The following CCSER1 variants were observed in gnomAD, a reference collection of about 807,000 sequenced individuals.
CCSER1 encodes serine-rich coiled-coil domain-containing protein 1.
A neutral mutation model predicts 82.0 loss-of-function variants in CCSER1; 41 were observed. That is an observed-to-expected ratio of 0.50 (90% CI 0.39 to 0.65). The LOEUF is 0.65. Among genes scored for constraint, CCSER1 ranks in the 30% least tolerant of loss-of-function variants. The pLI is 0.00. For synonymous variants in CCSER1, 414 were observed against 383.9 expected, an observed-to-expected ratio of 1.08 and a Z score of -0.92; for missense variants, 1,119 against 1,064.2, an observed-to-expected ratio of 1.05 and a Z score of -0.72.
intron 1 of CCSER1, among the ~76,000 whole-genome samples, chr4:90,199,754 T>A (rs1318245245): frequency 6.6e-6 from 1 of 152,120 alleles, no homozygotes; most frequent in Non-Finnish European, 1.5e-5. Flanking sequence ...TACAATAGAT[T>A]TTGTGTTTTT....
intron 10 of CCSER1, among the ~76,000 whole-genome samples, chr4:91,386,630 C>T (rs1751305802): frequency 6.6e-6 from 1 of 151,882 alleles, no homozygotes; most frequent in South Asian, 2.1e-4. Context: ...TACAGACTGC[C>T]AATAAGTTGG....
At chr4:90,441,455 A>C (rs1759863957) in intron 4 of CCSER1, among the ~76,000 whole-genome samples, 1 of 152,120 alleles carries the variant, frequency 6.6e-6, no homozygotes, top group African/African-American at 2.4e-5. Flanking sequence ...TGGGGGAAAG[A>C]AAGAACAATC....
intron 8 of CCSER1, among the ~76,000 whole-genome samples, chr4:90,862,423 C>A (rs1765219678): frequency 6.6e-6 from 1 of 151,860 alleles, no homozygotes; most frequent in Admixed American, 6.6e-5. Context: ...AATCATTATT[C>A]AACATTTCTT....
chr4:91,074,049 A>G (rs17018025), intron 9 of CCSER1, among the ~76,000 whole-genome samples: 29,747 of 152,104 alleles, frequency 0.2, 3,272 homozygotes, highest in African/African-American at 0.28. Context: ...GAAGTGTTTT[A>G]CGACTCTTGT....
At chr4:90,555,498 T>A (rs1370208704) in intron 5 of CCSER1, among the ~76,000 whole-genome samples, 1 of 152,132 alleles carries the variant, frequency 6.6e-6, no homozygotes, top group Non-Finnish European at 1.5e-5. Context: ...CTATTTGTGA[T>A]TAAATTCCTA....
intron 10 of CCSER1, among the ~76,000 whole-genome samples, chr4:91,350,302 T>G (rs1748384416): frequency 6.6e-6 from 1 of 152,194 alleles, no homozygotes; most frequent in South Asian, 2.1e-4. Flanking sequence ...TCTGAAACTT[T>G]AAGGAAAAAT....
chr4:91,383,897 A>G lies in CCSER1; in HGVS notation c.2218-214675A>G, dbSNP rs189178050. Among the ~76,000 whole-genome samples, 1,054 of 152,274 alleles carry G rather than the reference A, an allele frequency of 6.9e-3. 8 individuals carry two copies. Among genetic ancestry groups the G allele is most frequent in the African/African-American group, 0.024 (992 of 41,554 alleles). On this transcript the variant is annotated intron_variant, in intron 10 of 10. Transcript: ENST00000509176. Reference sequence around the variant, plus strand: ...GTGTTTTCACTTTTGTAAACCACAAAAAAGACAAATTTTTTTAATGGATCT... The same window carrying G: ...GTGTTTTCACTTTTGTAAACCACAAGAAAGACAAATTTTTTTAATGGATCT...
intron 9 of CCSER1, among the ~76,000 whole-genome samples, chr4:90,998,723 G>GTTT (rs3043069): frequency 2.0e-5 from 3 of 150,276 alleles, no homozygotes. Flanking sequence ...GCATTACACA[G>GTTT]TTTTTTTTTT....
chr4:90,238,652 C>T (rs1746257795), intron 1 of CCSER1, among the ~76,000 whole-genome samples: 1 of 151,980 alleles, frequency 6.6e-6, no homozygotes, highest in African/African-American at 2.4e-5. Flanking sequence ...TTCTCACACC[C>T]CCTCAACTCG....
chr4:90,269,317 T>C (rs1725823428), intron 1 of CCSER1, among the ~76,000 whole-genome samples: 1 of 152,098 alleles, frequency 6.6e-6, no homozygotes. Context: ...TTAATATAAT[T>C]GAAATCATAT....
intron 10 of CCSER1, among the ~76,000 whole-genome samples, chr4:91,289,793 GA>G (rs1228173991): frequency 6.6e-6 from 1 of 151,920 alleles, no homozygotes; most frequent in Non-Finnish European, 1.5e-5. Context: ...AAACAATAAA[GA>G]AGAAATGTTT....
chr4:91,228,705 A>G (rs1738396525), intron 10 of CCSER1, among the ~76,000 whole-genome samples: 1 of 152,120 alleles, frequency 6.6e-6, no homozygotes, highest in African/African-American at 2.4e-5. Flanking sequence ...TACAGATGGA[A>G]TAAATGGAAT....
chr4:91,572,362 G>T (rs1763226057), intron 10 of CCSER1, among the ~76,000 whole-genome samples: 1 of 152,038 alleles, frequency 6.6e-6, no homozygotes, highest in African/African-American at 2.4e-5. Flanking sequence ...GAGGTGGCTG[G>T]CTACCCTGGT....
chr4:90,924,360 A>G (rs1267769635), intron 9 of CCSER1, among the ~76,000 whole-genome samples: 1 of 152,116 alleles, frequency 6.6e-6, no homozygotes, highest in Non-Finnish European at 1.5e-5. Flanking sequence ...AAATTACATT[A>G]ATTTAATATA....
chr4:90,364,457 C>T (rs1322652721), intron 3 of CCSER1, among the ~76,000 whole-genome samples: 1 of 151,648 alleles, frequency 6.6e-6, no homozygotes, highest in Non-Finnish European at 1.5e-5. Context: ...AAGAAAATTG[C>T]AATTAAAAAT....
At chr4:90,266,697 G>C (rs950568821) in intron 1 of CCSER1, among the ~76,000 whole-genome samples, 27 of 152,146 alleles carry the variant, frequency 1.8e-4, no homozygotes, top group African/African-American at 6.0e-4. Context: ...TTTTGCACTG[G>C]AAGAACTCAG....
At chr4:90,970,182 G>T (rs1300992556) in intron 9 of CCSER1, among the ~76,000 whole-genome samples, 1 of 151,770 alleles carries the variant, frequency 6.6e-6, no homozygotes, top group Non-Finnish European at 1.5e-5. Flanking sequence ...TAAAACACAC[G>T]ATCAAACAGT....
chr4:91,144,271 C>G (rs1308443906), intron 10 of CCSER1, among the ~76,000 whole-genome samples: 1 of 151,798 alleles, frequency 6.6e-6, no homozygotes, highest in Non-Finnish European at 1.5e-5. Context: ...ATAATGGTCT[C>G]TGAGGATCTT....
chr4:90,402,967 G>C (rs1009793041), intron 4 of CCSER1, among the ~76,000 whole-genome samples: 6 of 152,128 alleles, frequency 3.9e-5, no homozygotes, highest in Non-Finnish European at 5.9e-5. Flanking sequence ...CAAGATAAAT[G>C]GTATTAGTTT....
Sources: gnomAD v4.1 joint callset for allele counts (sites outside exome capture counted in the v4.1 genomes callset) on GRCh38, gnomAD v4.1.1 for gene constraint, MANE v1.5 for transcripts, NCBI Gene and HGNC (gene_info 2026-07-23, HGNC 2026-07-21) for gene names.